Variants in CDH11 observed in about 807,000 individuals in gnomAD.
CDH11 encodes cadherin 11, also known as cadherin-11.
In CDH11, 11 loss-of-function variants were observed where a neutral mutation model predicts 67.8. That is an observed-to-expected ratio of 0.16 (90% CI 0.10 to 0.27). CDH11 has a LOEUF of 0.27. CDH11 is among the 10% of genes least tolerant of loss of function. The pLI is 1.00. For missense variants in CDH11, 847 were observed against 1,031.2 expected (o/e 0.82, Z 2.45); for synonymous variants, 419 against 400.0 (o/e 1.05, Z -0.57).
Position 64,973,006 on chromosome 16 carries a change from A to G in CDH11, c.1288T>C (p.Phe430Leu). The change falls in exon 9 of 13, where the codon TTT becomes CTT. Residue 430 changes from phenylalanine (F) to leucine (L), a missense_variant. Coordinates refer to ENST00000268603, the MANE Select transcript of CDH11 (RefSeq NM_001797.4). The stretch of plus-strand genomic sequence containing the variant: ...CCATCCTCTGGATTAATAGTGAAAA[A>G]TCTGTCGAGGTCAGTGTGACGATCG... ...SIDRHTDLDR[F>L]FTINPEDGFI... 6.2e-7 allele frequency: 1 copy of G among 1,613,802 alleles called. No individual in the cohort carries two copies. The highest frequency in any genetic ancestry group is 8.5e-7 in the Non-Finnish European group (1 of 1,179,882).
chr16:65,075,289 A>T lies in CDH11; in HGVS notation c.-297-21361T>A, dbSNP rs1183150105. Among the ~76,000 whole-genome samples, 5 of 152,332 alleles carry T rather than the reference A, an allele frequency of 3.3e-5. No individual in the cohort carries two copies. In the South Asian group the frequency reaches 8.3e-4, roughly 25 times the overall value. ...TCTTGTCTCTGAAAGAAACAGAGCCACTCAGGCAGAGGATTAGAGGACTCT... is the reference window on the plus strand; with the variant it reads ...TCTTGTCTCTGAAAGAAACAGAGCCTCTCAGGCAGAGGATTAGAGGACTCT... On this transcript the variant is annotated intron_variant, in intron 1 of 12. Coordinates refer to ENST00000268603, the MANE Select transcript of CDH11 (RefSeq NM_001797.4).
chr16:64,972,188 G>A, intron 9 of CDH11, 124 bp from the exon 10 acceptor site: 2 of 784,454 alleles, frequency 2.5e-6, no homozygotes, highest in Non-Finnish European at 2.1e-6. Context: ...AGATGTTCTT[G>A]TCACAGAATC....
chr16:65,008,072 A>G (rs1031564603), intron 2 of CDH11, among the ~76,000 whole-genome samples: 1 of 152,268 alleles, frequency 6.6e-6, no homozygotes, highest in Non-Finnish European at 1.5e-5. Flanking sequence ...CATGAAGTGT[A>G]TTAGAAAGAA....
At position 64,945,895 on chromosome 16, in the gene CDH11, T is replaced by A; in HGVS notation, c.*1708A>T. On this transcript the variant is annotated 3_prime_UTR_variant, in exon 13 of 13. Transcript: ENST00000268603. ...AATCCAAGAAAAAGCACGTGCCCTG[T>A]GTGTAGGGGGAAAGAGGGAAAGCAC... The A allele has an allele frequency of 3.8e-6, 4 of 1,056,712 alleles. No individual in the cohort carries two copies. The highest frequency in any genetic ancestry group is 4.6e-6 in the Non-Finnish European group (4 of 873,948). The allele number at this position is 1,056,712 out of a possible 1,614,324, so 65.5% of individuals were successfully genotyped here.
At chr16:65,103,916 A>G (rs2075030400) in intron 1 of CDH11, among the ~76,000 whole-genome samples, 2 of 152,354 alleles carry the variant, frequency 1.3e-5, no homozygotes, top group Admixed American at 6.5e-5. Context: ...TAAATAAAAT[A>G]AATTATTAAA....
upstream of CDH11, chr16:65,122,150 G>A (rs943560407): frequency 1.9e-6 from 1 of 537,724 alleles, no homozygotes; most frequent in Non-Finnish European, 3.3e-6. Context: ...GGGGGCGGGA[G>A]GAGGGAGGCT....
At chr16:64,997,225 G>A (rs150205360) in intron 4 of CDH11, among the ~76,000 whole-genome samples, 378 of 151,682 alleles carry the variant, frequency 2.5e-3, no homozygotes, top group African/African-American at 8.6e-3. Context: ...GCTTGAAGCC[G>A]GGAGACAGAG....
upstream of CDH11, among the ~76,000 whole-genome samples, chr16:65,123,442 G>A (rs183620894): frequency 9.2e-5 from 14 of 151,942 alleles, no homozygotes; most frequent in East Asian, 2.8e-3. Context: ...GGGAGGAGAC[G>A]GGCCCAGGAG....
chr16:65,074,292 A>T (rs1053281628), intron 1 of CDH11, among the ~76,000 whole-genome samples: 1 of 152,122 alleles, frequency 6.6e-6, no homozygotes, highest in African/African-American at 2.4e-5. Flanking sequence ...GATATACCCA[A>T]ATTAACTGTC....
At chr16:65,025,685 T>G (rs2073519824) in intron 2 of CDH11, among the ~76,000 whole-genome samples, 1 of 152,290 alleles carries the variant, frequency 6.6e-6, no homozygotes, top group South Asian at 2.1e-4. Context: ...GAAGTGTGGG[T>G]TGCAGATAAA....
chr16:64,964,892 A>G (rs754418013), intron 11 of CDH11, among the ~76,000 whole-genome samples: 3 of 151,950 alleles, frequency 2.0e-5, no homozygotes, highest in Non-Finnish European at 4.4e-5. Flanking sequence ...CACTAAACTT[A>G]TAAAAATTTA....
At chr16:65,105,382 G>C (rs1490904728) in intron 1 of CDH11, among the ~76,000 whole-genome samples, 1 of 152,084 alleles carries the variant, frequency 6.6e-6, no homozygotes, top group Non-Finnish European at 1.5e-5. Flanking sequence ...GGGAGCACTT[G>C]GATCTAGCCT....
In CDH11 at chr16:64,946,956, C is replaced by T. The variant is rs939376118; in HGVS notation, c.*647G>A. 7.4e-5 allele frequency: 67 copies of T among 900,030 alleles called. No individual in the cohort carries two copies. The highest frequency in any genetic ancestry group is 8.9e-5 in the Non-Finnish European group (66 of 741,206). The allele number at this position is 900,030 out of a possible 1,614,324, so 55.8% of individuals were successfully genotyped here. ...AACTTTAAAATTGTACAAATAGATACATTAAAAATGACATAGAAATAGGGC... is the reference window on the plus strand; with the variant it reads ...AACTTTAAAATTGTACAAATAGATATATTAAAAATGACATAGAAATAGGGC... On this transcript the variant is annotated 3_prime_UTR_variant, in exon 13 of 13. Coordinates refer to ENST00000268603, the MANE Select transcript of CDH11 (RefSeq NM_001797.4).
At chr16:65,061,719 A>T (rs769377818) in intron 1 of CDH11, among the ~76,000 whole-genome samples, 2 of 152,234 alleles carry the variant, frequency 1.3e-5, no homozygotes, top group Non-Finnish European at 2.9e-5. Flanking sequence ...CATCATGTAC[A>T]TATGATGCTA....
intron 1 of CDH11, among the ~76,000 whole-genome samples, chr16:65,107,848 AC>A (rs5817507): frequency 0.24 from 37,198 of 151,928 alleles, 5,002 homozygotes; most frequent in Non-Finnish European, 0.31. Context: ...GCTGGAAAGG[AC>A]CCAAAAGGCC....
rs1036998294 is a variant in CDH11 at position 65,064,350 on chromosome 16, T to C, written c.-297-10422A>G. 2.6e-5 allele frequency among the ~76,000 whole-genome samples: 4 copies of C among 152,360 alleles called. No individual in the cohort carries two copies. The South Asian group carries it at 8.3e-4, about 32-fold the overall frequency. On this transcript the variant is annotated intron_variant, in intron 1 of 12. Transcript: ENST00000268603. ...AGCAACATAACACCTCACATTCCTG[T>C]GGCGAGCACAGAGGTGATAATATGT...
chr16:64,946,871 G>C lies in CDH11; in HGVS notation c.*732C>G. Reference sequence around the variant, plus strand: ...TACAATGTTCATAAAATATAAGTGTGATGCCGTAACATTTTCTTACATGTC... The same window carrying C: ...TACAATGTTCATAAAATATAAGTGTCATGCCGTAACATTTTCTTACATGTC... On this transcript the variant is annotated 3_prime_UTR_variant, in exon 13 of 13. Transcript: ENST00000268603. The C allele has an allele frequency of 1.2e-6, 1 of 828,968 alleles. No individual in the cohort carries two copies. The highest frequency in any genetic ancestry group is 1.5e-6 in the Non-Finnish European group (1 of 676,274). The allele number at this position is 828,968 out of a possible 1,614,324, so 51.4% of individuals were successfully genotyped here. A position where few individuals can be genotyped will look rare whatever the true frequency, so the allele number is the denominator to read the frequency against.
intron 4 of CDH11, among the ~76,000 whole-genome samples, chr16:64,994,452 T>C (rs139470919): frequency 2.6e-5 from 4 of 152,330 alleles, no homozygotes; most frequent in African/African-American, 7.2e-5. Flanking sequence ...AAAGGTATAA[T>C]AGGTTGCCTG....
intron 1 of CDH11, among the ~76,000 whole-genome samples, chr16:65,120,568 T>C (rs2075309206): frequency 2.0e-5 from 3 of 152,138 alleles, no homozygotes. Flanking sequence ...TATACCCTCA[T>C]ACAGCCGGGT....
Sources: gnomAD v4.1 joint callset for allele counts (sites outside exome capture counted in the v4.1 genomes callset) on GRCh38, gnomAD v4.1.1 for gene constraint, MANE v1.5 for transcripts, NCBI Gene and HGNC (gene_info 2026-07-23, HGNC 2026-07-21) for gene names.